RAPGEF4: variants seen among roughly 807,000 people sequenced by gnomAD.
RAPGEF4 encodes the protein RAP guanine-nucleotide-exchange factor (GEF) 4.
Under a neutral mutation model 147.9 loss-of-function variants are expected in RAPGEF4, and 66 were observed. The observed-to-expected ratio is 0.45, with a 90% CI of 0.37 to 0.55. RAPGEF4 has a LOEUF of 0.55. Ranked by LOEUF, RAPGEF4 falls within the 20% of genes least tolerant of loss-of-function variation. RAPGEF4 has a pLI of 0.00. For missense variants in RAPGEF4, 1,071 were observed against 1,257.3 expected, an observed-to-expected ratio of 0.85 and a Z score of 2.24; for synonymous variants, 419 against 442.7, an observed-to-expected ratio of 0.95 and a Z score of 0.67.
chr2:172,984,885 G>C (rs1038280716), intron 11 of RAPGEF4, among the ~76,000 whole-genome samples: 5 of 152,116 alleles, frequency 3.3e-5, no homozygotes, highest in African/African-American at 1.2e-4. Context: ...TAGGAAGATA[G>C]AGCCATGATT....
At chr2:172,767,843 G>GT (rs140155394) in intron 1 of RAPGEF4, among the ~76,000 whole-genome samples, 1,658 of 152,006 alleles carry the variant, frequency 0.011, 34 homozygotes, top group African/African-American at 0.037. Flanking sequence ...TGGTTTTTTT[G>GT]TTTGTTTCTG....
chr2:172,940,512 A>G lies in RAPGEF4; in HGVS notation c.537+18212A>G, dbSNP rs564245070. On this transcript the variant is annotated intron_variant, in intron 6 of 30. Transcript: ENST00000397081. ...TCTGTCCCTTGTTCCTGCTTTTTCC[A>G]TGTGAAGTGCCTGCTCCCACTTCAC... is the stretch of plus-strand genomic sequence containing the variant. Among the ~76,000 whole-genome samples the G allele has an allele frequency of 7.2e-4, 109 of 152,114 alleles. 1 individual carries two copies. The highest frequency in any genetic ancestry group is 2.6e-3 in the African/African-American group (108 of 41,504).
chr2:172,880,616 C>T (rs1696518193), intron 4 of RAPGEF4, among the ~76,000 whole-genome samples: 1 of 152,236 alleles, frequency 6.6e-6, no homozygotes, highest in Non-Finnish European at 1.5e-5. Flanking sequence ...TAATTAAAAA[C>T]TGGTACAATT....
chr2:172,999,274 C>T (rs913971736), intron 16 of RAPGEF4, among the ~76,000 whole-genome samples: 3 of 152,090 alleles, frequency 2.0e-5, no homozygotes, highest in Non-Finnish European at 4.4e-5. Flanking sequence ...AATGTTTATG[C>T]CTTGGAGATA....
chr2:172,762,151 T>C (rs1696411927), intron 1 of RAPGEF4, among the ~76,000 whole-genome samples: 1 of 152,198 alleles, frequency 6.6e-6, no homozygotes, highest in South Asian at 2.1e-4. Context: ...CATGCTGCTT[T>C]CTTCTATGCA....
chr2:172,751,797 G>A (rs1695317816), intron 1 of RAPGEF4, among the ~76,000 whole-genome samples: 1 of 152,148 alleles, frequency 6.6e-6, no homozygotes, highest in Admixed American at 6.5e-5. Context: ...CTGAATCAAT[G>A]CGGCACTGCC....
intron 4 of RAPGEF4, among the ~76,000 whole-genome samples, chr2:172,832,220 A>G (rs552097702): frequency 6.6e-6 from 1 of 152,346 alleles, no homozygotes; most frequent in African/African-American, 2.4e-5. Flanking sequence ...TTTAGAAATT[A>G]ATAAACAGAT....
chr2:172,744,495 G>C, intron 1 of RAPGEF4: 1 of 449,682 alleles, frequency 2.2e-6, no homozygotes, highest in Non-Finnish European at 4.5e-6. Context: ...TAAAAATTTA[G>C]GAGTCAGACT....
chr2:173,006,631 G>A (rs12473597), intron 17 of RAPGEF4, among the ~76,000 whole-genome samples: 1 of 151,956 alleles, frequency 6.6e-6, no homozygotes, highest in Non-Finnish European at 1.5e-5. Flanking sequence ...TAGGGTCCCT[G>A]TCATAAAAAT....
chr2:172,940,887 C>T (rs1309152022), intron 6 of RAPGEF4, among the ~76,000 whole-genome samples: 1 of 152,196 alleles, frequency 6.6e-6, no homozygotes, highest in Non-Finnish European at 1.5e-5. Context: ...TAGATGTTCA[C>T]TGATTTTCTT....
chr2:172,906,567 G>C (rs968895274), intron 4 of RAPGEF4, among the ~76,000 whole-genome samples: 7 of 152,252 alleles, frequency 4.6e-5, no homozygotes, highest in African/African-American at 7.2e-5. Flanking sequence ...GGGAAAGCAA[G>C]GGGACAGTTG....
chr2:172,754,402 TTG>T (rs1695573569), intron 1 of RAPGEF4, among the ~76,000 whole-genome samples: 1 of 152,212 alleles, frequency 6.6e-6, no homozygotes, highest in South Asian at 2.1e-4. Context: ...TAAAAATTTC[TTG>T]TGTTTTAGAT....
intron 4 of RAPGEF4, among the ~76,000 whole-genome samples, chr2:172,886,050 C>G (rs1331121564): frequency 6.6e-6 from 1 of 152,116 alleles, no homozygotes; most frequent in Admixed American, 6.5e-5. Flanking sequence ...CACCACCTTT[C>G]CTCTGTGGGA....
intron 4 of RAPGEF4, among the ~76,000 whole-genome samples, chr2:172,887,216 G>GA (rs948365557): frequency 6.8e-5 from 10 of 148,128 alleles, no homozygotes; most frequent in South Asian, 6.4e-4. Context: ...AAGAAAAAAA[G>GA]AAAAAAAAAG....
chr2:172,779,182 A>G (rs889823851), intron 1 of RAPGEF4, among the ~76,000 whole-genome samples: 3 of 152,230 alleles, frequency 2.0e-5, no homozygotes, highest in African/African-American at 7.2e-5. Context: ...CCCTGCTTTT[A>G]TGGAGCTTAC....
intron 1 of RAPGEF4, among the ~76,000 whole-genome samples, chr2:172,775,975 C>G (rs1400219081): frequency 1.3e-5 from 2 of 152,086 alleles, no homozygotes; most frequent in Non-Finnish European, 2.9e-5. Context: ...TTTATTCTAG[C>G]CAGAATCCTA....
rs11297899 is a variant in RAPGEF4, at chr2:172,764,252, C to CAA, written c.65+28216_65+28217dup. ...TGGGTGACAAAACGAGACCCTGTCTCAAAAAAAAAAAAAGAAAGAAAGTAG... is the reference window on the plus strand; with the variant it reads ...TGGGTGACAAAACGAGACCCTGTCTCAAAAAAAAAAAAAAAGAAAGAAAGTAG... On this transcript the variant is annotated intron_variant, in intron 1 of 30. Transcript: ENST00000397081. Among the ~76,000 whole-genome samples the CAA allele has an allele frequency of 5.5e-5, 8 of 145,460 alleles. 1 individual carries two copies. Among genetic ancestry groups the CAA allele is most frequent in the African/African-American group, 2.0e-4 (8 of 39,286 alleles).
intron 4 of RAPGEF4, chr2:172,860,308 C>T (rs1422878585): frequency 2.0e-6 from 2 of 985,318 alleles, no homozygotes; most frequent in African/African-American, 3.5e-5. Flanking sequence ...GTGTAAGTTT[C>T]AGCTTGTTTT....
intron 4 of RAPGEF4, among the ~76,000 whole-genome samples, chr2:172,883,919 T>A (rs1696895210): frequency 1.3e-5 from 2 of 152,184 alleles, no homozygotes; most frequent in Admixed American, 6.5e-5. Context: ...AAACCATATA[T>A]AAAAGTTATT....
Sources: allele counts gnomAD v4.1 joint callset (sites outside exome capture counted in the v4.1 genomes callset), GRCh38; gene constraint gnomAD v4.1.1; transcripts MANE v1.5; gene names NCBI Gene and HGNC (gene_info 2026-07-23, HGNC 2026-07-21).